The following SLC45A3 variants were observed in gnomAD, a reference collection of about 807,000 sequenced individuals.
The protein encoded by SLC45A3 is prostate cancer associated protein 2.
Under a neutral mutation model 35.3 loss-of-function variants are expected in SLC45A3, and 17 were observed. The ratio of observed to expected loss-of-function variants is 0.48; its 90% CI spans 0.33 to 0.72. The LOEUF (loss-of-function observed/expected upper bound fraction) is 0.72. SLC45A3 is among the 30% of genes least tolerant of loss of function. The pLI is 0.02. For missense variants in SLC45A3, 597 were observed against 731.7 expected (o/e 0.82, Z 2.12); for synonymous variants, 288 against 334.3 (o/e 0.86, Z 1.51).
intron 1 of SLC45A3, among the ~76,000 whole-genome samples, chr1:205,674,237 C>T (rs61824660): frequency 0.39 from 57,886 of 150,296 alleles, 13,533 homozygotes; most frequent in Non-Finnish European, 0.53. Flanking sequence ...CCTTTTTCCT[C>T]CCTATCATAA....
chr1:205,677,308 G>A (rs998506969), intron 1 of SLC45A3, among the ~76,000 whole-genome samples: 17 of 152,254 alleles, frequency 1.1e-4, no homozygotes, highest in African/African-American at 3.9e-4. Flanking sequence ...TGCGTCCTTC[G>A]TAGCTTACAT....
intron 1 of SLC45A3, among the ~76,000 whole-genome samples, chr1:205,678,178 A>T (rs989884435): frequency 1.3e-5 from 2 of 152,104 alleles, no homozygotes; most frequent in African/African-American, 4.8e-5. Context: ...TTAGCCAGGC[A>T]TGGTGGTGGG....
intron 1 of SLC45A3, among the ~76,000 whole-genome samples, chr1:205,674,602 CAAAAAAAAAAAAAA>C (rs57508315): frequency 4.2e-5 from 4 of 95,456 alleles, no homozygotes; most frequent in African/African-American, 5.0e-5. Context: ...GATGCTGTTT[CAAAAAAAAAAAAAA>C]AAAAAAAAAA....
rs756372168 is a variant in SLC45A3, at chr1:205,662,912, C to T, written c.879G>A (p.Thr293=). The change falls in exon 3 of 5, where the codon ACG becomes ACA. Residue 293 remains threonine (T), a synonymous_variant. Coordinates refer to ENST00000367145, the MANE Select transcript of SLC45A3 (RefSeq NM_033102.3). The surrounding 1 kb of genome is among the most constrained non-coding windows in gnomAD (Gnocchi z 6.2). Reference sequence around the variant, plus strand: ...GGTACAGCCCCTCGCCCACGAAATCCGTGTAAAACAGCGTGAAGGTCATGA... The same window carrying T: ...GGTACAGCCCCTCGCCCACGAAATCTGTGTAAAACAGCGTGAAGGTCATGA... ...MALMTFTLFY[T]DFVGEGLYQG... is the part of the protein sequence containing the mutation. 5.0e-6 allele frequency: 8 copies of T among 1,613,200 alleles called. No homozygotes were observed. Among genetic ancestry groups the T allele is most frequent in the African/African-American group, 4.0e-5 (3 of 74,924 alleles).
At chr1:205,667,952 C>T (rs964568590) in intron 1 of SLC45A3, among the ~76,000 whole-genome samples, 1 of 152,154 alleles carries the variant, frequency 6.6e-6, no homozygotes, top group South Asian at 2.1e-4. Flanking sequence ...CCATCCCCAC[C>T]CAGAGATTCT....
chr1:205,670,262 G>A (rs1283919170), intron 1 of SLC45A3, among the ~76,000 whole-genome samples: 1 of 152,208 alleles, frequency 6.6e-6, no homozygotes, highest in Non-Finnish European at 1.5e-5. Flanking sequence ...TTGGGCTGCT[G>A]GGGAGATGGT....
At position 205,664,762 on chromosome 1, in the gene SLC45A3, C is replaced by G; in HGVS notation, c.-106G>C. The G allele has an allele frequency of 6.7e-7, 1 of 1,489,378 alleles. No homozygotes were observed. The allele number at this position is 1,489,378 out of a possible 1,614,324, so 92.3% of individuals were successfully genotyped here. On this transcript the variant is annotated 5_prime_UTR_variant, in exon 2 of 5. Transcript: ENST00000367145. This position sits in a 1 kb window ranked among gnomAD's most constrained non-coding sequence, Gnocchi z 5.3. ...GGCCTCTCCTCCTTGCTGCCGCCAA[C>G]TGCCTAGGAATCAGCCAGGCGCCCA...
chr1:205,659,451 A>G lies in SLC45A3; in HGVS notation c.1445T>C (p.Val482Ala), dbSNP rs1451380309. ...CAGGCAGATGCCCCGGCCCGGAACCACCCTGGCCTCGGTGGGCTCACCCAC... is the reference window on the plus strand; with the variant it reads ...CAGGCAGATGCCCCGGCCCGGAACCGCCCTGGCCTCGGTGGGCTCACCCAC... The part of the protein sequence containing the change: ...VVVGEPTEAR[V>A]VPGRGICLDL... The change falls in exon 5 of 5, where the codon GTG becomes GCG. Residue 482 changes from valine to alanine, a missense_variant. By Grantham distance (64) the Val-to-Ala change is moderately conservative. Coordinates refer to ENST00000367145, the MANE Select transcript of SLC45A3 (RefSeq NM_033102.3). The surrounding 1 kb of genome is among the most constrained non-coding windows in gnomAD (Gnocchi z 5.8). The G allele has an allele frequency of 6.2e-7, 1 of 1,613,800 alleles. No individual in the cohort carries two copies. The highest frequency in any genetic ancestry group is 8.5e-7 in the Non-Finnish European group (1 of 1,179,896).
At chr1:205,679,393 C>T (rs1671362998) in intron 1 of SLC45A3, among the ~76,000 whole-genome samples, 1 of 152,080 alleles carries the variant, frequency 6.6e-6, no homozygotes, top group Non-Finnish European at 1.5e-5. Flanking sequence ...ATTCAGAGGT[C>T]AAGGGCAAGA....
chr1:205,675,146 C>A (rs1173816833), intron 1 of SLC45A3, among the ~76,000 whole-genome samples: 1 of 152,250 alleles, frequency 6.6e-6, no homozygotes, highest in Non-Finnish European at 1.5e-5. Context: ...CCAGATTCTT[C>A]TTGGCCTCTC....
intron 1 of SLC45A3, among the ~76,000 whole-genome samples, chr1:205,676,352 T>C (rs768701380): frequency 2.6e-5 from 4 of 152,048 alleles, no homozygotes; most frequent in Admixed American, 2.0e-4. Flanking sequence ...CTGGATATGG[T>C]GACTGGGGGA....
chr1:205,663,693 G>T, intron 2 of SLC45A3, 75 bp from the exon 3 acceptor site: 1 of 1,397,254 alleles, frequency 7.2e-7, no homozygotes, highest in South Asian at 1.4e-5. Flanking sequence ...CAAGCTCCGT[G>T]AGAAGGATGG....
chr1:205,671,862 T>C (rs1671221988), intron 1 of SLC45A3, among the ~76,000 whole-genome samples: 1 of 28,930 alleles, frequency 3.5e-5, no homozygotes. Flanking sequence ...GGTGACTCTG[T>C]CTCAAACAAA....
rs1210457553 is a variant in SLC45A3 at position 205,663,373 on chromosome 1, A to T, written c.418T>A (p.Phe140Ile). The change falls in exon 3 of 5, where the codon TTC becomes ATC. Residue 140 changes from phenylalanine to isoleucine, a missense_variant. This residue lies in a region of SLC45A3 where 555 missense variants were observed against 664.9 expected (regional missense o/e 0.83). Transcript: ENST00000367145. ...GLLDFCGQVC[F>I]TPLEALLSDL... is the part of the protein sequence containing the mutation. ...GAGAGCAGGGCCTCCAGTGGAGTGA[A>T]GCACACCTGGCCACAGAAGTCCAGC... 1 of 1,613,238 alleles carries T rather than the reference A, an allele frequency of 6.2e-7. No individual in the cohort carries two copies. The highest frequency in any genetic ancestry group is 1.3e-5 in the African/African-American group (1 of 74,932).
At chr1:205,665,507 G>C (rs1317858104) in intron 1 of SLC45A3, among the ~76,000 whole-genome samples, 1 of 152,116 alleles carries the variant, frequency 6.6e-6, no homozygotes, top group African/African-American at 2.4e-5. Context: ...GTTTCTCCCT[G>C]AGTTCAACGT....
At chr1:205,676,359 G>A (rs528845246) in intron 1 of SLC45A3, among the ~76,000 whole-genome samples, 1 of 152,254 alleles carries the variant, frequency 6.6e-6, no homozygotes, top group East Asian at 1.9e-4. Context: ...TGGTGACTGG[G>A]GGACTGTGGA....
At chr1:205,660,633 C>T (rs1391523834) in intron 4 of SLC45A3, among the ~76,000 whole-genome samples, 1 of 152,154 alleles carries the variant, frequency 6.6e-6, no homozygotes, top group Non-Finnish European at 1.5e-5. Context: ...AGGACTTCTC[C>T]TCCCTGCCTG....
At chr1:205,679,685 A>AACACACAC (rs55762304) in intron 1 of SLC45A3, among the ~76,000 whole-genome samples, 10,170 of 138,724 alleles carry the variant, frequency 0.073, 423 homozygotes, top group East Asian at 0.13. Flanking sequence ...GGGACACAGT[A>AACACACAC]ACACACACAC....
rs1215307552 is a variant in SLC45A3, at chr1:205,664,352, C to T, written c.172+133G>A. On this transcript the variant is annotated intron_variant, in intron 2 of 4. Coordinates refer to ENST00000367145, the MANE Select transcript of SLC45A3 (RefSeq NM_033102.3). This position sits in a 1 kb window ranked among gnomAD's most constrained non-coding sequence, Gnocchi z 5.3. ...GGTGTGCCCCCTCAGCCCAGGGTCA[C>T]CCTCCTGCCCAGCAATGCCTTCCCA... is the stretch of plus-strand genomic sequence containing the variant. The T allele has an allele frequency of 1.2e-5, 15 of 1,216,194 alleles. No individual in the cohort carries two copies. Among genetic ancestry groups the T allele is most frequent in the African/African-American group, 3.0e-5 (2 of 66,006 alleles). 75.3% of individuals were successfully genotyped at this position (1,216,194 alleles called of 1,614,324 possible). A position where few individuals can be genotyped will look rare whatever the true frequency, so the allele number is the denominator to read the frequency against.
Sources: allele counts gnomAD v4.1 joint callset (sites outside exome capture counted in the v4.1 genomes callset), GRCh38; gene constraint gnomAD v4.1.1; regional missense constraint gnomAD v4.1.1; non-coding constraint Gnocchi (gnomAD v3.1); transcripts MANE v1.5; gene names NCBI Gene and HGNC (gene_info 2026-07-23, HGNC 2026-07-21).